The following HSP90AA1 variants were observed in gnomAD, a reference collection of about 807,000 sequenced individuals.
HSP90AA1 encodes heat shock protein HSP 90-alpha.
A neutral mutation model predicts 73.3 loss-of-function variants in HSP90AA1; 18 were observed. That is an observed-to-expected ratio of 0.25 (90% CI 0.17 to 0.36). HSP90AA1 has a LOEUF of 0.36. Ranked by LOEUF, HSP90AA1 falls within the 10% of genes least tolerant of loss-of-function variation. The pLI, the probability that HSP90AA1 is intolerant of heterozygous loss-of-function variation, is 1.00. For missense variants in HSP90AA1, 704 were observed against 874.2 expected (o/e 0.81, Z 2.45); for synonymous variants, 477 against 296.9 (o/e 1.61, Z -6.24).
rs957032811 is a variant in HSP90AA1, at chr14:102,123,452, T to G, written c.155+15798A>C. Among the ~76,000 whole-genome samples, 51 of 152,084 alleles carry G rather than the reference T, an allele frequency of 3.4e-4. 2 individuals are homozygous for G. The highest frequency in any genetic ancestry group is 1.5e-5 in the Non-Finnish European group (1 of 68,026). The stretch of plus-strand genomic sequence containing the variant: ...CCTGTCATTTCTACAATGTTGAGTC[T>G]TGTTACCTAAGAATGAGGTGTTTTA... On this transcript the variant is annotated intron_variant, in intron 1 of 11. Coordinates refer to the HSP90AA1 transcript ENST00000334701.
intron 1 of HSP90AA1, among the ~76,000 whole-genome samples, chr14:102,132,685 G>A (rs572309642): frequency 2.6e-5 from 4 of 152,306 alleles, no homozygotes; most frequent in East Asian, 3.9e-4. Flanking sequence ...GGGGCTGGGC[G>A]TGGTGGCTCA....
In HSP90AA1 at chr14:102,083,099, T is replaced by C. The variant is rs181509556; in HGVS notation, c.1690A>G (p.Lys564Glu). The C allele has an allele frequency of 8.7e-6, 14 of 1,613,932 alleles. No homozygotes were observed. The highest frequency in any genetic ancestry group is 1.3e-5 in the African/African-American group (1 of 75,022). Residue 564 changes from lysine to glutamate, a missense_variant, in exon 9 of 11, where the codon AAA becomes GAA. Coordinates refer to ENST00000216281, the MANE Select transcript of HSP90AA1 (RefSeq NM_005348.4). ...DEEEKKKQEE[K>E]KTKFENLCKI... Reference sequence around the variant, plus strand: ...CAGAGGTTCTCAAACTTTGTTTTTTTCTCTTCCTGCTTCTTTTTCTCTTCT... The same window carrying C: ...CAGAGGTTCTCAAACTTTGTTTTTTCCTCTTCCTGCTTCTTTTTCTCTTCT...
intron 2 of HSP90AA1, among the ~76,000 whole-genome samples, chr14:102,094,684 G>A (rs2049401412): frequency 6.6e-6 from 1 of 152,238 alleles, no homozygotes. Flanking sequence ...CTTCAGTGCA[G>A]TGGGTAGGGG....
At chr14:102,114,454 T>G (rs1490515044) in intron 1 of HSP90AA1, among the ~76,000 whole-genome samples, 1 of 152,192 alleles carries the variant, frequency 6.6e-6, no homozygotes, top group Non-Finnish European at 1.5e-5. Flanking sequence ...TGAGATTCAC[T>G]GCAGGGTATT....
chr14:102,128,064 G>A (rs1005100643), intron 1 of HSP90AA1, among the ~76,000 whole-genome samples: 8 of 152,202 alleles, frequency 5.3e-5, no homozygotes, highest in African/African-American at 1.9e-4. Flanking sequence ...TTGCTCAGCA[G>A]GCTCATACTA....
chr14:102,083,506 T>C, intron 8 of HSP90AA1, 40 bp downstream of exon 8: 1 of 1,600,556 alleles, frequency 6.2e-7, no homozygotes, highest in Non-Finnish European at 8.6e-7. Context: ...TACAAGATTG[T>C]AAGAACGACG....
In HSP90AA1 at chr14:102,083,541, C is replaced by G. The variant is rs753800056; in HGVS notation, c.1486+5G>C. ...GTGTATGACTGTAACATAGTGTTCTCTTACCTGTGATATAATAGATATGTT... is the reference window on the plus strand; with the variant it reads ...GTGTATGACTGTAACATAGTGTTCTGTTACCTGTGATATAATAGATATGTT... On this transcript the variant is annotated splice_donor_5th_base_variant and intron_variant, in intron 8 of 10. Transcript: ENST00000216281. 2 of 1,612,998 alleles carry G rather than the reference C, an allele frequency of 1.2e-6. No homozygotes were observed. Among genetic ancestry groups the G allele is most frequent in the Non-Finnish European group, 1.7e-6 (2 of 1,179,536 alleles).
At chr14:102,088,619 C>A (rs1391575925), upstream of HSP90AA1, among the ~76,000 whole-genome samples, 2 of 152,208 alleles carry the variant, frequency 1.3e-5, no homozygotes, top group African/African-American at 2.4e-5. Flanking sequence ...GTAGCTGTTG[C>A]GCAGCCTGGG....
rs975102386 is a variant in HSP90AA1, at chr14:102,087,022, C to T, written c.-37G>A. ...GACCGCACAGGACCAACGGCACAGCCACACCGGGACGCTGAAGCAACTGAC... is the reference window on the plus strand; with the variant it reads ...GACCGCACAGGACCAACGGCACAGCTACACCGGGACGCTGAAGCAACTGAC... On this transcript the variant is annotated 5_prime_UTR_variant, in exon 1 of 11. Coordinates refer to ENST00000216281, the MANE Select transcript of HSP90AA1 (RefSeq NM_005348.4). The T allele has an allele frequency of 1.2e-5, 12 of 985,230 alleles. No individual in the cohort carries two copies. The African/African-American group carries it at 1.7e-4, about 14-fold the overall frequency. 61.0% of individuals were successfully genotyped at this position (985,230 alleles called of 1,614,324 possible). A position where few individuals can be genotyped will look rare whatever the true frequency, so the allele number is the denominator to read the frequency against.
chr14:102,085,628 T>G (rs1287861715), intron 3 of HSP90AA1, 130 bp downstream of exon 3: 7 of 1,403,742 alleles, frequency 5.0e-6, no homozygotes, highest in Non-Finnish European at 1.0e-6. Flanking sequence ...ACTAATTAAG[T>G]GCTCTAGCTT....
chr14:102,121,933 T>G (rs1049696432), intron 1 of HSP90AA1, among the ~76,000 whole-genome samples: 1 of 152,204 alleles, frequency 6.6e-6, no homozygotes, highest in African/African-American at 2.4e-5. Flanking sequence ...GGTTGTTGTC[T>G]TTTCATATGG....
Position 102,081,659 on chromosome 14 carries a change from T to C in HSP90AA1, c.*53A>G. 3.6e-6 allele frequency: 3 copies of C among 829,690 alleles called. No homozygotes were observed. The highest frequency in any genetic ancestry group is 2.7e-5 in the South Asian group (2 of 75,176). 51.4% of individuals were successfully genotyped at this position (829,690 alleles called of 1,614,324 possible). On this transcript the variant is annotated 3_prime_UTR_variant, in exon 11 of 11. Coordinates refer to ENST00000216281, the MANE Select transcript of HSP90AA1 (RefSeq NM_005348.4). The stretch of plus-strand genomic sequence containing the variant: ...AAAGAAAAACATCCTTGAAAATATA[T>C]TATCAGAGGAATTGTAGAGTACTGA...
upstream of HSP90AA1, among the ~76,000 whole-genome samples, chr14:102,090,575 T>A (rs543571078): frequency 2.0e-5 from 3 of 152,014 alleles, no homozygotes; most frequent in Non-Finnish European, 4.4e-5. Context: ...TCAGCCTCCC[T>A]AGTAGCTGGG....
At chr14:102,115,330 G>A (rs2403028) in intron 1 of HSP90AA1, among the ~76,000 whole-genome samples, 141,341 of 152,050 alleles carry the variant, frequency 0.93, 65,718 homozygotes, top group East Asian at 1. Context: ...AAACAACTCT[G>A]TGTTTTACTT....
chr14:102,087,310 C>T (rs1368687151), upstream of HSP90AA1: 1 of 345,342 alleles, frequency 2.9e-6, no homozygotes, highest in Non-Finnish European at 4.1e-6. Flanking sequence ...CTCAATGCGC[C>T]TGCGCGGCCC....
chr14:102,124,747 C>G (rs2049820907), intron 1 of HSP90AA1, among the ~76,000 whole-genome samples: 1 of 152,104 alleles, frequency 6.6e-6, no homozygotes, highest in Admixed American at 6.6e-5. Context: ...TCTTAGATTT[C>G]CAACATCTAA....
chr14:102,122,521 T>A (rs1394175601), intron 1 of HSP90AA1, among the ~76,000 whole-genome samples: 1 of 152,054 alleles, frequency 6.6e-6, no homozygotes, highest in Non-Finnish European at 1.5e-5. Flanking sequence ...GATCTTGTGA[T>A]CCACCTGCCT....
At chr14:102,103,693 A>G (rs1425852925) in intron 1 of HSP90AA1, among the ~76,000 whole-genome samples, 1 of 151,996 alleles carries the variant, frequency 6.6e-6, no homozygotes, top group Non-Finnish European at 1.5e-5. Context: ...AATCCCAGAT[A>G]CTTGGGAGGC....
chr14:102,107,541 T>A (rs2049584726), intron 1 of HSP90AA1, among the ~76,000 whole-genome samples: 1 of 152,048 alleles, frequency 6.6e-6, no homozygotes, highest in African/African-American at 2.4e-5. Flanking sequence ...GCCAGGATGG[T>A]CTCGATCTCT....
Sources: gnomAD v4.1 joint callset for allele counts (sites outside exome capture counted in the v4.1 genomes callset) on GRCh38, gnomAD v4.1.1 for gene constraint, MANE v1.5 for transcripts, NCBI Gene and HGNC (gene_info 2026-07-23, HGNC 2026-07-21) for gene names.